NRF1: variants seen among roughly 807,000 people sequenced by gnomAD.
NRF1 encodes nuclear respiratory factor 1, also known as alpha palindromic-binding protein.
In NRF1, 5 loss-of-function variants were observed where a neutral mutation model predicts 58.5. The observed-to-expected ratio is 0.09, with a 90% confidence interval of 0.04 to 0.18. NRF1 has a LOEUF of 0.18. Among genes scored for constraint, NRF1 ranks in the 10% least tolerant of loss-of-function variants. The pLI is 1.00. For missense variants in NRF1, 288 were observed against 657.7 expected, an observed-to-expected ratio of 0.44 and a Z score of 6.15; for synonymous variants, 224 against 246.7, an observed-to-expected ratio of 0.91 and a Z score of 0.86.
chr7:129,644,842 A>C (rs926741381), intron 1 of NRF1, among the ~76,000 whole-genome samples: 1 of 152,170 alleles, frequency 6.6e-6, no homozygotes, highest in African/African-American at 2.4e-5. Context: ...CTAGTAATAC[A>C]TAGTCTATTT....
chr7:129,686,479 A>G (rs1357262604), intron 4 of NRF1, among the ~76,000 whole-genome samples: 2 of 152,226 alleles, frequency 1.3e-5, no homozygotes, highest in African/African-American at 4.8e-5. Flanking sequence ...CTACATAAAA[A>G]TTTGTTTGAT....
chr7:129,632,214 C>T (rs1296630310), intron 1 of NRF1, among the ~76,000 whole-genome samples: 1 of 152,088 alleles, frequency 6.6e-6, no homozygotes, highest in East Asian at 1.9e-4. Flanking sequence ...TTTGAGGCTA[C>T]AGTGAGGTGT....
At chr7:129,620,697 T>C (rs969168199) in intron 1 of NRF1, among the ~76,000 whole-genome samples, 5 of 152,178 alleles carry the variant, frequency 3.3e-5, no homozygotes, top group African/African-American at 1.2e-4. Flanking sequence ...AAATTACTAT[T>C]GTTTTAAAGG....
At chr7:129,647,211 G>C (rs529200720) in intron 1 of NRF1, among the ~76,000 whole-genome samples, 2 of 151,902 alleles carry the variant, frequency 1.3e-5, no homozygotes, top group South Asian at 4.2e-4. Flanking sequence ...CTAATTTTTT[G>C]TATCTTTAGT....
At chr7:129,635,378 G>GT (rs1246801484) in intron 1 of NRF1, among the ~76,000 whole-genome samples, 3 of 152,044 alleles carry the variant, frequency 2.0e-5, no homozygotes, top group Non-Finnish European at 4.4e-5. Context: ...GTTTTTGTTT[G>GT]TTTGTTTGTT....
At chr7:129,725,220 G>A (rs2116243754) in intron 9 of NRF1, among the ~76,000 whole-genome samples, 1 of 152,254 alleles carries the variant, frequency 6.6e-6, no homozygotes, top group Non-Finnish European at 1.5e-5. Flanking sequence ...AGCATTCTGA[G>A]TGTATTTAAC....
At chr7:129,675,801 T>C (rs1802164094) in intron 3 of NRF1, among the ~76,000 whole-genome samples, 1 of 152,230 alleles carries the variant, frequency 6.6e-6, no homozygotes, top group South Asian at 2.1e-4. Context: ...AGCATGATTT[T>C]TAAAGGACCC....
intron 4 of NRF1, among the ~76,000 whole-genome samples, chr7:129,682,705 G>A (rs1010013221): frequency 6.6e-6 from 1 of 151,474 alleles, no homozygotes; most frequent in African/African-American, 2.4e-5. Flanking sequence ...GAGATGCTGA[G>A]GCAGGAGGAT....
intron 1 of NRF1, among the ~76,000 whole-genome samples, chr7:129,643,163 T>C (rs563033990): frequency 6.6e-6 from 1 of 152,328 alleles, no homozygotes; most frequent in African/African-American, 2.4e-5. Context: ...AATACTTTCA[T>C]AATTTTATCC....
At chr7:129,613,920 T>TA (rs1554400771) in intron 1 of NRF1, among the ~76,000 whole-genome samples, 1 of 151,976 alleles carries the variant, frequency 6.6e-6, no homozygotes, top group Non-Finnish European at 1.5e-5. Context: ...AGACTTCATC[T>TA]AAAAAAACAA....
intron 10 of NRF1, among the ~76,000 whole-genome samples, chr7:129,751,414 A>AGAT (rs140717779): frequency 0.012 from 1,848 of 152,358 alleles, 42 homozygotes; most frequent in African/African-American, 0.042. Context: ...ATCAGCCAAT[A>AGAT]GATAGATTTT....
intron 10 of NRF1, among the ~76,000 whole-genome samples, chr7:129,749,584 C>CT (rs1457567644): frequency 1.3e-5 from 2 of 152,122 alleles, no homozygotes; most frequent in Admixed American, 6.5e-5. Context: ...TCACCTTTGA[C>CT]TTTTTTTCCA....
Position 129,694,593 on chromosome 7 carries a change from C to G in NRF1, c.606+4047C>G, listed in dbSNP as rs139569894. Reference sequence around the variant, plus strand: ...ACGTTGACCAGACTGCTCTTGAACTCCTGACCTTGAGTGATTCTCCCATCT... The same window carrying G: ...ACGTTGACCAGACTGCTCTTGAACTGCTGACCTTGAGTGATTCTCCCATCT... On this transcript the variant is annotated intron_variant, in intron 5 of 10. Coordinates refer to ENST00000393232, the MANE Select transcript of NRF1 (RefSeq NM_005011.5). Among the ~76,000 whole-genome samples the G allele has an allele frequency of 5.7e-3, 874 of 152,310 alleles. 13 individuals carry two copies. Among genetic ancestry groups the G allele is most frequent in the East Asian group, 0.027 (142 of 5,188 alleles).
In NRF1 at chr7:129,711,561, C is replaced by T. The variant is rs750144891; in HGVS notation, c.1050C>T (p.Ala350=). Residue 350 remains alanine, a synonymous_variant, in exon 8 of 11, where the codon GCC becomes GCT. Coordinates refer to ENST00000393232, the MANE Select transcript of NRF1 (RefSeq NM_005011.5). ...TVTVAQVNYS[A]VADGEVEQNW... is the part of the protein sequence containing the mutation. ...CCGTTGCCCAAGTGAATTATTCTGCCGTGGCTGATGGAGAGGTAAGAAAGA... is the reference window on the plus strand; with the variant it reads ...CCGTTGCCCAAGTGAATTATTCTGCTGTGGCTGATGGAGAGGTAAGAAAGA... 30 of 1,610,818 alleles carry T rather than the reference C, an allele frequency of 1.9e-5. No homozygotes were observed. Among genetic ancestry groups the T allele is most frequent in the East Asian group, 1.3e-4 (6 of 44,840 alleles).
chr7:129,664,221 A>G (rs1011370954), intron 2 of NRF1, among the ~76,000 whole-genome samples: 5 of 152,268 alleles, frequency 3.3e-5, no homozygotes, highest in Middle Eastern at 3.4e-3. Flanking sequence ...TTTCTGGGCT[A>G]CTAAATGACT....
intron 10 of NRF1, among the ~76,000 whole-genome samples, chr7:129,732,545 T>C (rs373498706): frequency 1.2e-4 from 19 of 152,172 alleles, no homozygotes; most frequent in African/African-American, 4.6e-4. Context: ...AAAGAGAGGA[T>C]GTAGCATTTG....
chr7:129,632,464 C>G (rs1014260706), intron 1 of NRF1, among the ~76,000 whole-genome samples: 4 of 152,128 alleles, frequency 2.6e-5, no homozygotes, highest in Admixed American at 6.5e-5. Flanking sequence ...ATAATAAATT[C>G]CATATACCTA....
At chr7:129,730,116 T>G (rs1291576471) in intron 10 of NRF1, among the ~76,000 whole-genome samples, 2 of 152,218 alleles carry the variant, frequency 1.3e-5, no homozygotes, top group Non-Finnish European at 2.9e-5. Flanking sequence ...TAAGCCACTG[T>G]GCCGGGCCTA....
intron 7 of NRF1, among the ~76,000 whole-genome samples, chr7:129,711,173 G>A (rs1803065076): frequency 6.6e-6 from 1 of 152,190 alleles, no homozygotes; most frequent in Non-Finnish European, 1.5e-5. Context: ...ACAATTTGTT[G>A]ATTGGGAACC....
Sources: gnomAD v4.1 joint callset for allele counts (sites outside exome capture counted in the v4.1 genomes callset) on GRCh38, gnomAD v4.1.1 for gene constraint, MANE v1.5 for transcripts, NCBI Gene and HGNC (gene_info 2026-07-23, HGNC 2026-07-21) for gene names.